The following SRCAP variants were observed in gnomAD, a reference collection of about 807,000 sequenced individuals.
SRCAP encodes chromatin remodeling protein SRCAP.
SRCAP carries 46 observed loss-of-function variants against 263.1 expected under a neutral mutation model. The observed-to-expected ratio is 0.17, with a 90% confidence interval of 0.14 to 0.22. SRCAP has a LOEUF of 0.22. SRCAP is among the 10% of genes least tolerant of loss of function. The pLI, the probability that SRCAP is intolerant of heterozygous loss-of-function variation, is 1.00. For synonymous variants in SRCAP, 1,813 were observed against 1,662.1 expected, an observed-to-expected ratio of 1.09 and a Z score of -2.21; for missense variants, 3,695 against 4,181.9, an observed-to-expected ratio of 0.88 and a Z score of 3.21.
At chr16:30,717,695 C>G (rs1302731050) in intron 18 of SRCAP, among the ~76,000 whole-genome samples, 1 of 141,710 alleles carries the variant, frequency 7.1e-6, no homozygotes, top group Non-Finnish European at 1.5e-5. Flanking sequence ...TTACTGCAAC[C>G]TCCGCCTCCC....
rs776770794 is a variant in SRCAP, at chr16:30,737,178, C to G, written c.7138C>G (p.Arg2380Gly). 6.2e-7 allele frequency: 1 copy of G among 1,614,070 alleles called. No homozygotes were observed. Among genetic ancestry groups the G allele is most frequent in the South Asian group, 1.1e-5 (1 of 91,082 alleles). ...CTGTGGGACTGGTGGAGGCACCCAC[C>G]GGCGCAGTAAAAAGGCCAAAGCCCC... ...SSCGTGGGTH[R>G]RSKKAKAPER... The change falls in exon 34 of 34, where the codon CGG becomes GGG. Residue 2380 changes from arginine to glycine, a missense_variant. Around this residue, in one of 12 missense-constraint regions of SRCAP, gnomAD observed 1,207 missense variants for 1,142.9 expected, o/e 1.06. Transcript: ENST00000262518.
rs1272066815 is a variant in SRCAP at position 30,723,091 on chromosome 16, G to A, written c.4021G>A (p.Val1341Met). Residue 1341 changes from valine (V) to methionine (M), a missense_variant, in exon 24 of 34, where the codon GTG becomes ATG. Physicochemically the swap from Val to Met is conservative, Grantham distance 21. Coordinates refer to ENST00000262518, the MANE Select transcript of SRCAP (RefSeq NM_006662.3). Reference protein sequence around the residue: ...PRPPSSGLPAVLNPRPTLTPG... With the variant: ...PRPPSSGLPAMLNPRPTLTPG... Reference sequence around the variant, plus strand: ...GCCTCCGAGCTCTGGGCTTCCAGCTGTGTTGAATCCACGCCCCACGTTAAC... The same window carrying A: ...GCCTCCGAGCTCTGGGCTTCCAGCTATGTTGAATCCACGCCCCACGTTAAC... 1.2e-6 allele frequency: 2 copies of A among 1,613,938 alleles called. No homozygotes were observed. Among genetic ancestry groups the A allele is most frequent in the Admixed American group, 1.7e-5 (1 of 59,994 alleles).
rs376965461 is a variant in SRCAP at position 30,736,519 on chromosome 16, T to C, written c.6925-22T>C. The C allele has an allele frequency of 1.6e-4, 264 of 1,613,830 alleles. 2 individuals carry two copies. The Middle Eastern group carries it at 4.1e-3, about 25-fold the overall frequency. On this transcript the variant is annotated intron_variant, in intron 32 of 33. Transcript: ENST00000262518. ...CCTGGGTACCAGGTTCCTAAGTTTA[T>C]CACCACCGCTCCTCCTTGCAGCTGA...
Position 30,724,664 on chromosome 16 carries a change from C to T in SRCAP, c.5240C>T (p.Ser1747Phe). The change falls in exon 25 of 34, where the codon TCT (serine) becomes TTT (phenylalanine). Residue 1747 changes from serine to phenylalanine, a missense_variant. Ser to Phe is a radical substitution (Grantham distance 155). Transcript: ENST00000262518. Reference sequence around the variant, plus strand: ...CCACTGGGTCCAACTCAGACGCTGTCTCTGGCTCCAGCACCCCCTCTGGCT... The same window carrying T: ...CCACTGGGTCCAACTCAGACGCTGTTTCTGGCTCCAGCACCCCCTCTGGCT... ...GPPLGPTQTL[S>F]LAPAPPLAPA... The T allele has an allele frequency of 6.2e-7, 1 of 1,614,152 alleles. No homozygotes were observed. The highest frequency in any genetic ancestry group is 8.5e-7 in the Non-Finnish European group (1 of 1,180,028).
chr16:30,705,291 C>T (rs2052814073), intron 4 of SRCAP, among the ~76,000 whole-genome samples: 1 of 152,132 alleles, frequency 6.6e-6, no homozygotes, highest in Non-Finnish European at 1.5e-5. Flanking sequence ...CAGTGAGACT[C>T]TGTCTCAAAA....
In SRCAP at chr16:30,716,251, G is replaced by A. The variant is rs762752886; in HGVS notation, c.2631-42G>A. On this transcript the variant is annotated intron_variant, in intron 17 of 33. Coordinates refer to ENST00000262518, the MANE Select transcript of SRCAP (RefSeq NM_006662.3). The stretch of plus-strand genomic sequence containing the variant: ...CCTGGGACTCGAGATTGGAGTGTAG[G>A]TGGCTGTTAGGACGTCTCATTTATT... 3.7e-6 allele frequency: 6 copies of A among 1,613,476 alleles called. No individual in the cohort carries two copies. The East Asian group carries it at 1.3e-4, about 36-fold the overall frequency.
intron 4 of SRCAP, 44 bp from the exon 5 acceptor site, chr16:30,707,139 G>A (rs780904649): frequency 8.4e-6 from 13 of 1,541,528 alleles, no homozygotes; most frequent in Non-Finnish European, 1.2e-5. Flanking sequence ...GTGAGATGGA[G>A]TGTGTGTTTA....
In SRCAP at chr16:30,738,715, C is replaced by T; in HGVS notation, c.8675C>T (p.Ala2892Val). ...SSTLKGKTNG[A>V]DPVPGPETLI... ...ACCTTGAAGGGAAAAACCAATGGGG[C>T]TGACCCAGTCCCTGGGCCTGAGACC... Residue 2892 changes from alanine (A) to valine (V), a missense_variant, in exon 34 of 34, where the codon GCT becomes GTT. Transcript: ENST00000262518. 5 of 1,614,136 alleles carry T rather than the reference C, an allele frequency of 3.1e-6. No individual in the cohort carries two copies. Among genetic ancestry groups the T allele is most frequent in the Non-Finnish European group, 4.2e-6 (5 of 1,180,014 alleles).
intron 4 of SRCAP, among the ~76,000 whole-genome samples, chr16:30,706,353 CTGGGAGGCTGAGT>C (rs986406666): frequency 9.9e-5 from 15 of 152,140 alleles, no homozygotes; most frequent in East Asian, 3.9e-4. Context: ...TCTCAGCTAC[CTGGGAGGCTGAGT>C]TGGGAGGCTG....
rs773146970 is a variant in SRCAP at position 30,711,062 on chromosome 16, T to C, written c.1292T>C (p.Met431Thr). 3 of 1,613,970 alleles carry C rather than the reference T, an allele frequency of 1.9e-6. No individual in the cohort carries two copies. The highest frequency in any genetic ancestry group is 4.5e-5 in the East Asian group (2 of 44,888). Residue 431 changes from methionine to threonine, a missense_variant, in exon 10 of 34, where the codon ATG (methionine) becomes ACG (threonine). By Grantham distance (81) the Met-to-Thr change is moderately conservative. Around this residue, in one of 12 missense-constraint regions of SRCAP, gnomAD observed 288 missense variants for 302.4 expected, o/e 0.95. Transcript: ENST00000262518. The stretch of plus-strand genomic sequence containing the variant: ...TTGGAAGGGGAGGTGGATCATGCCA[T>C]GGAGCTGAGCGAGTTGGCTCGAGAA... Reference protein sequence around the residue: ...EQLEGEVDHAMELSELAREGE... With the variant: ...EQLEGEVDHATELSELAREGE...
At chr16:30,703,713 G>A (rs2052794424) in intron 3 of SRCAP, among the ~76,000 whole-genome samples, 1 of 151,530 alleles carries the variant, frequency 6.6e-6, no homozygotes, top group South Asian at 2.1e-4. Flanking sequence ...TGGCTAACGT[G>A]GTGAAACCCT....
chr16:30,716,614 C>G (rs1401744512), intron 18 of SRCAP, 135 bp downstream of exon 18: 3 of 795,298 alleles, frequency 3.8e-6, no homozygotes, highest in South Asian at 3.6e-5. Flanking sequence ...TTATTGTACT[C>G]TAGCCATGTG....
At chr16:30,711,264 A>G (rs2052888584) in intron 10 of SRCAP, among the ~76,000 whole-genome samples, 176 bp downstream of exon 10, 1 of 152,260 alleles carries the variant, frequency 6.6e-6, no homozygotes, top group African/African-American at 2.4e-5. Context: ...TGCTTATGAT[A>G]GAAGTTTAAA....
Position 30,724,699 on chromosome 16 carries a change from C to G in SRCAP, c.5275C>G (p.Pro1759Ala), listed in dbSNP as rs1263889163. The change falls in exon 25 of 34, where the codon CCA becomes GCA. Residue 1759 changes from proline (P) to alanine (A), a missense_variant. Physicochemically the swap from Pro to Ala is conservative, Grantham distance 27. Around this residue, in one of 12 missense-constraint regions of SRCAP, gnomAD observed 1,347 missense variants for 1,304.4 expected, o/e 1.03. Transcript: ENST00000262518. ...APAPPLAPAS[P>A]VGPAPAHTLT... ...AGCACCCCCTCTGGCTCCAGCTTCT[C>G]CAGTGGGCCCAGCCCCAGCTCACAC... The G allele has an allele frequency of 4.3e-6, 7 of 1,613,954 alleles. No individual in the cohort carries two copies. In the Admixed American group the frequency reaches 8.3e-5, roughly 19 times the overall value.
intron 11 of SRCAP, 33 bp from the exon 12 acceptor site, chr16:30,711,802 T>G (rs763864107): frequency 1.2e-6 from 2 of 1,611,314 alleles, no homozygotes; most frequent in South Asian, 1.1e-5. Flanking sequence ...AGAGCAGGTA[T>G]GATGAGCAGT....
At position 30,729,240 on chromosome 16, in the gene SRCAP, G is replaced by A; in HGVS notation, c.5924+9G>A. The A allele has an allele frequency of 1.9e-6, 3 of 1,602,890 alleles. No homozygotes were observed. The highest frequency in any genetic ancestry group is 2.6e-6 in the Non-Finnish European group (3 of 1,172,704). On this transcript the variant is annotated intron_variant, in intron 26 of 33. Coordinates refer to ENST00000262518, the MANE Select transcript of SRCAP (RefSeq NM_006662.3). ...TCAGAAATCATTGAGAGGTTGGCAGGGCTAAGTGCTAATGGGGAGTGGGTC... is the reference window on the plus strand; with the variant it reads ...TCAGAAATCATTGAGAGGTTGGCAGAGCTAAGTGCTAATGGGGAGTGGGTC...
chr16:30,726,803 C>T (rs1156989420), intron 25 of SRCAP, among the ~76,000 whole-genome samples: 5 of 152,172 alleles, frequency 3.3e-5, no homozygotes, highest in East Asian at 3.8e-4. Flanking sequence ...CAGGCTCAAA[C>T]GATTTTCCTG....
In SRCAP at chr16:30,741,020, TTAAG is replaced by T. The variant is rs1376373000; in HGVS notation, c.*1290_*1293del. The stretch of plus-strand genomic sequence containing the variant: ...TGAGAAGTAGGGAGACAAGAAATGA[TTAAG>T]TAGGGCATCATTTTGCAGGTTTCTG... On this transcript the variant is annotated 3_prime_UTR_variant, in exon 34 of 34. Coordinates refer to ENST00000262518, the MANE Select transcript of SRCAP (RefSeq NM_006662.3). 4 of 152,312 alleles carry T rather than the reference TTAAG, an allele frequency of 2.6e-5. No homozygotes were observed. The highest frequency in any genetic ancestry group is 3.4e-3 in the Middle Eastern group (1 of 294). The allele number at this position is 152,312 out of a possible 1,614,324, so 9.4% of individuals were successfully genotyped here. A position where few individuals can be genotyped will look rare whatever the true frequency, so the allele number is the denominator to read the frequency against.
intron 31 of SRCAP, among the ~76,000 whole-genome samples, chr16:30,735,304 G>A (rs2053150187): frequency 6.6e-6 from 1 of 150,404 alleles, no homozygotes; most frequent in African/African-American, 2.5e-5. Flanking sequence ...CCGCCACTAC[G>A]CCCGGCTAAT....
Sources: allele counts gnomAD v4.1 joint callset (sites outside exome capture counted in the v4.1 genomes callset), GRCh38; gene constraint gnomAD v4.1.1; regional missense constraint gnomAD v4.1.1; transcripts MANE v1.5; gene names NCBI Gene and HGNC (gene_info 2026-07-23, HGNC 2026-07-21).